Variants in SUSD1 observed in about 807,000 individuals in gnomAD.
SUSD1 encodes the protein sushi domain containing 1.
A neutral mutation model predicts 86.9 loss-of-function variants in SUSD1; 65 were observed. The observed-to-expected ratio is 0.75, with a 90% CI of 0.61 to 0.92. The LOEUF (loss-of-function observed/expected upper bound fraction) is 0.92, where lower values mean the gene tolerates loss of function less well. Among genes scored for constraint, SUSD1 ranks in the 40% least tolerant of loss-of-function variants. The pLI is 0.00. For missense variants in SUSD1, 850 were observed against 929.7 expected, an observed-to-expected ratio of 0.91 and a Z score of 1.11; for synonymous variants, 346 against 350.0, an observed-to-expected ratio of 0.99 and a Z score of 0.13.
At chr9:112,164,009 A>T (rs1833677415) in intron 1 of SUSD1, among the ~76,000 whole-genome samples, 1 of 152,072 alleles carries the variant, frequency 6.6e-6, no homozygotes, top group Non-Finnish European at 1.5e-5. Flanking sequence ...TCAAAAAAAA[A>T]ATAAAAATAA....
chr9:112,068,266 A>G (rs1317481214), intron 12 of SUSD1, among the ~76,000 whole-genome samples: 1 of 152,136 alleles, frequency 6.6e-6, no homozygotes, highest in Non-Finnish European at 1.5e-5. Flanking sequence ...CAGAGGCATG[A>G]GGTGGTGGCA....
chr9:112,062,466 TG>T (rs2131499098), intron 13 of SUSD1, among the ~76,000 whole-genome samples: 1 of 152,244 alleles, frequency 6.6e-6, no homozygotes, highest in African/African-American at 2.4e-5. Context: ...AGGTTGAGGC[TG>T]GTGGATCACC....
chr9:112,128,973 G>A (rs1356293324), intron 5 of SUSD1, among the ~76,000 whole-genome samples: 1 of 152,152 alleles, frequency 6.6e-6, no homozygotes, highest in African/African-American at 2.4e-5. Context: ...CTCTTGTTGG[G>A]TTTTAAGTAC....
rs58040511 is a variant in SUSD1, at chr9:112,099,015, T to TTCTCTCTC, written c.1282-361_1282-354dup. ...TCCTCCTTCCCTTCTGAATACTTCG[T>TTCTCTCTC]TCTCTCTCTCTCTCTCTCTCTCTCT... On this transcript the variant is annotated intron_variant, in intron 9 of 16. Coordinates refer to ENST00000374270, the MANE Select transcript of SUSD1 (RefSeq NM_022486.5). 5.4e-3 allele frequency among the ~76,000 whole-genome samples: 791 copies of TTCTCTCTC among 145,976 alleles called. 10 individuals carry two copies. The highest frequency in any genetic ancestry group is 0.022 in the East Asian group (109 of 4,922).
At chr9:112,101,194 T>G (rs1830620770) in intron 9 of SUSD1, among the ~76,000 whole-genome samples, 1 of 151,672 alleles carries the variant, frequency 6.6e-6, no homozygotes, top group Non-Finnish European at 1.5e-5. Context: ...ACACGACATC[T>G]CTAATAAAAA....
chr9:112,043,322 G>A (rs978447991), intron 15 of SUSD1, among the ~76,000 whole-genome samples: 8 of 152,178 alleles, frequency 5.3e-5, no homozygotes, highest in South Asian at 2.1e-4. Context: ...TCCATGGATC[G>A]GCTGGCATCA....
intron 12 of SUSD1, among the ~76,000 whole-genome samples, chr9:112,064,046 T>TTTGGGG (rs1491139474): frequency 1.3e-5 from 1 of 78,656 alleles, no homozygotes; most frequent in Non-Finnish European, 3.0e-5. Flanking sequence ...TTTCTTTTTT[T>TTTGGGG]GGGGGGGGGG....
chr9:112,121,657 G>A (rs1831561232), intron 6 of SUSD1, among the ~76,000 whole-genome samples: 1 of 152,184 alleles, frequency 6.6e-6, no homozygotes, highest in Non-Finnish European at 1.5e-5. Flanking sequence ...ATTTCCGATG[G>A]AAAATGTTGG....
chr9:112,092,300 T>A (rs979491072), intron 10 of SUSD1, among the ~76,000 whole-genome samples: 1 of 152,254 alleles, frequency 6.6e-6, no homozygotes, highest in Admixed American at 6.5e-5. Context: ...GAATTGTGCT[T>A]TTCTGTGTTC....
At chr9:112,048,063 G>A (rs1828032109) in intron 15 of SUSD1, among the ~76,000 whole-genome samples, 1 of 152,104 alleles carries the variant, frequency 6.6e-6, no homozygotes, top group Admixed American at 6.5e-5. Context: ...TTGCCATGTG[G>A]ACCCCTCCAT....
At chr9:112,066,957 T>C (rs186558159) in intron 12 of SUSD1, among the ~76,000 whole-genome samples, 1 of 152,110 alleles carries the variant, frequency 6.6e-6, no homozygotes, top group African/African-American at 2.4e-5. Context: ...CTCACTGCAA[T>C]CTCTGCCTCC....
intron 5 of SUSD1, among the ~76,000 whole-genome samples, chr9:112,139,208 T>G (rs1308302504): frequency 6.6e-6 from 1 of 152,094 alleles, no homozygotes; most frequent in Non-Finnish European, 1.5e-5. Context: ...AGAAGGAAAT[T>G]TTTACATTCT....
chr9:112,042,281 A>G (rs1328935056), intron 15 of SUSD1: 6 of 825,894 alleles, frequency 7.3e-6, no homozygotes, highest in East Asian at 5.4e-5. Flanking sequence ...TCCTCTCACA[A>G]TCAATTACAT....
intron 13 of SUSD1, among the ~76,000 whole-genome samples, chr9:112,059,230 A>G (rs923934760): frequency 2.6e-5 from 4 of 152,236 alleles, no homozygotes; most frequent in African/African-American, 4.8e-5. Flanking sequence ...CAGACGACAC[A>G]GGGCAAGGGA....
Position 112,078,736 on chromosome 9 carries a change from A to T in SUSD1, c.1567-12T>A. The stretch of plus-strand genomic sequence containing the variant: ...CCCCAAATGTGGAACTGAAACATAA[A>T]AAAGCTCACTGGGTGAATGGTTGGC... On this transcript the variant is annotated splice_polypyrimidine_tract_variant and intron_variant, in intron 11 of 16. Transcript: ENST00000374270. 1 of 1,607,292 alleles carries T rather than the reference A, an allele frequency of 6.2e-7. No individual in the cohort carries two copies. The highest frequency in any genetic ancestry group is 8.5e-7 in the Non-Finnish European group (1 of 1,174,326).
chr9:112,083,918 T>C (rs1589629562), intron 10 of SUSD1, among the ~76,000 whole-genome samples: 1 of 152,218 alleles, frequency 6.6e-6, no homozygotes, highest in African/African-American at 2.4e-5. Context: ...TATAACACTA[T>C]GTCTCAATGT....
chr9:112,146,971 G>C (rs1190841268), intron 3 of SUSD1, among the ~76,000 whole-genome samples: 9 of 152,050 alleles, frequency 5.9e-5, no homozygotes, highest in Non-Finnish European at 1.0e-4. Context: ...TTCATCTCTT[G>C]GAACTATAAA....
intron 15 of SUSD1, among the ~76,000 whole-genome samples, chr9:112,042,578 C>T (rs551667761): frequency 6.6e-6 from 1 of 152,332 alleles, no homozygotes; most frequent in African/African-American, 2.4e-5. Flanking sequence ...CTAAAAAACA[C>T]TCACAGTTGA....
At position 112,113,900 on chromosome 9, in the gene SUSD1, C is replaced by G. The variant is rs766842014; in HGVS notation, c.887-1032G>C. Reference sequence around the variant, plus strand: ...TGAGCTGAGATTGCACCACTGCACTCCAGCCTGGGTGACGGAGCAAAACTC... The same window carrying G: ...TGAGCTGAGATTGCACCACTGCACTGCAGCCTGGGTGACGGAGCAAAACTC... On this transcript the variant is annotated intron_variant, in intron 6 of 16. Coordinates refer to ENST00000374270, the MANE Select transcript of SUSD1 (RefSeq NM_022486.5). This position sits in a 1 kb window ranked among gnomAD's most constrained non-coding sequence, Gnocchi z 4.1. 6.6e-6 allele frequency among the ~76,000 whole-genome samples: 1 copy of G among 151,936 alleles called. No individual in the cohort carries two copies. Among genetic ancestry groups the G allele is most frequent in the African/African-American group, 2.4e-5 (1 of 41,362 alleles).
Sources: gnomAD v4.1 joint callset for allele counts (sites outside exome capture counted in the v4.1 genomes callset) on GRCh38, gnomAD v4.1.1 for gene constraint, Gnocchi (gnomAD v3.1) non-coding constraint, MANE v1.5 for transcripts, NCBI Gene and HGNC (gene_info 2026-07-23, HGNC 2026-07-21) for gene names.